Variants in CDKL3 observed in about 807,000 individuals in gnomAD.
CDKL3 encodes cyclin-dependent kinase-like 3.
A neutral mutation model predicts 69.3 loss-of-function variants in CDKL3; 65 were observed. The ratio of observed to expected loss-of-function variants is 0.94; its 90% CI spans 0.77 to 1.15. The LOEUF (loss-of-function observed/expected upper bound fraction) is 1.15. Ranked by LOEUF, CDKL3 falls within the 50% of genes most tolerant of loss-of-function variation. The pLI is 0.00. For synonymous variants in CDKL3, 202 were observed against 221.6 expected (o/e 0.91, Z 0.79); for missense variants, 652 against 689.2 (o/e 0.95, Z 0.61).
chr5:134,311,304 G>C (rs1769425689), intron 7 of CDKL3, among the ~76,000 whole-genome samples: 1 of 152,174 alleles, frequency 6.6e-6, no homozygotes, highest in African/African-American at 2.4e-5. Context: ...AGGAGTTTGA[G>C]ACCAGCCTGG....
chr5:134,343,297 T>G (rs530619883), intron 4 of CDKL3, among the ~76,000 whole-genome samples: 1 of 152,150 alleles, frequency 6.6e-6, no homozygotes, highest in Non-Finnish European at 1.5e-5. Flanking sequence ...TAAGCCCTTA[T>G]GAAACCACCT....
At chr5:134,320,477 C>T (rs1290511861) in intron 5 of CDKL3, among the ~76,000 whole-genome samples, 4 of 152,018 alleles carry the variant, frequency 2.6e-5, no homozygotes, top group African/African-American at 9.7e-5. Context: ...ACTCAGCAGG[C>T]TGAGGTGGGA....
chr5:134,364,201 C>T (rs892603697), intron 2 of CDKL3, among the ~76,000 whole-genome samples: 7 of 152,042 alleles, frequency 4.6e-5, no homozygotes, highest in African/African-American at 1.4e-4. Context: ...TTTTCTACCC[C>T]AACCCTAAGG....
rs1397356878 is a variant in CDKL3, at chr5:134,304,359, A to G, written c.1621+46T>C. On this transcript the variant is annotated intron_variant, in intron 11 of 12. Coordinates refer to ENST00000265334, the MANE Select transcript of CDKL3 (RefSeq NM_001113575.2). ...GTAAGTTATATTATGAAAAAATCTT[A>G]TAAATGATATCATCATAATTGTAAA... 8 of 1,416,054 alleles carry G rather than the reference A, an allele frequency of 5.6e-6. No individual in the cohort carries two copies. The East Asian group carries it at 1.9e-4, about 34-fold the overall frequency. 87.7% of individuals were successfully genotyped at this position (1,416,054 alleles called of 1,614,324 possible).
At chr5:134,370,789 TCTCA>T (rs1330246533), upstream of CDKL3, among the ~76,000 whole-genome samples, 4 of 152,210 alleles carry the variant, frequency 2.6e-5, no homozygotes, top group South Asian at 2.1e-4. Context: ...CGTGCGATCC[TCTCA>T]CTCTTCTTGC....
At chr5:134,288,987 C>G (rs1290638904) in intron 8 of CDKL3, among the ~76,000 whole-genome samples, 1 of 150,948 alleles carries the variant, frequency 6.6e-6, no homozygotes, top group African/African-American at 2.4e-5. Context: ...TATAGTGAGG[C>G]CCTGTCTGTA....
chr5:134,312,896 T>C (rs183223969), intron 6 of CDKL3, among the ~76,000 whole-genome samples: 2 of 152,348 alleles, frequency 1.3e-5, no homozygotes, highest in Non-Finnish European at 2.9e-5. Flanking sequence ...CCTTTCTTGG[T>C]ATAGAAACAA....
chr5:134,359,316 C>A (rs187107786), intron 3 of CDKL3, among the ~76,000 whole-genome samples: 334 of 152,226 alleles, frequency 2.2e-3, no homozygotes, highest in African/African-American at 7.4e-3. Flanking sequence ...AACCAACCAA[C>A]CAAACAAAAA....
At chr5:134,287,856 T>G (rs1764937084) in intron 8 of CDKL3, among the ~76,000 whole-genome samples, 1 of 151,890 alleles carries the variant, frequency 6.6e-6, no homozygotes, top group African/African-American at 2.4e-5. Flanking sequence ...CAGTAACTCA[T>G]CTTCTCGACA....
At chr5:134,285,200 T>A (rs326608), downstream of CDKL3, among the ~76,000 whole-genome samples, 2 of 152,062 alleles carry the variant, frequency 1.3e-5, no homozygotes, top group African/African-American at 4.8e-5. Context: ...CTCCACTAGG[T>A]GGTGCCCCAG....
intron 3 of CDKL3, among the ~76,000 whole-genome samples, chr5:134,355,958 A>G (rs187942148): frequency 6.6e-6 from 1 of 152,340 alleles, no homozygotes; most frequent in East Asian, 1.9e-4. Flanking sequence ...TTTATGGAAG[A>G]CAGTTTTTCT....
downstream of CDKL3, among the ~76,000 whole-genome samples, chr5:134,285,051 A>G (rs1296760549): frequency 6.6e-6 from 1 of 152,248 alleles, no homozygotes; most frequent in Non-Finnish European, 1.5e-5. Flanking sequence ...TGGGGAAGTG[A>G]TAAATGTCCA....
chr5:134,342,267 G>A (rs1451882910), intron 4 of CDKL3, among the ~76,000 whole-genome samples: 1 of 152,158 alleles, frequency 6.6e-6, no homozygotes, highest in Non-Finnish European at 1.5e-5. Flanking sequence ...CAAAACAAGT[G>A]CAAAATGTAT....
downstream of CDKL3, among the ~76,000 whole-genome samples, chr5:134,295,525 T>C (rs1765310385): frequency 6.6e-6 from 1 of 152,214 alleles, no homozygotes; most frequent in Non-Finnish European, 1.5e-5. Flanking sequence ...TTGATTTCCC[T>C]AGAGGAGCAA....
At chr5:134,371,544 G>C (rs546331408), upstream of CDKL3, 12 of 1,596,798 alleles carry the variant, frequency 7.5e-6, no homozygotes, top group African/African-American at 1.3e-5. Context: ...GGGGTGGGGG[G>C]GCTGCGCGGG....
chr5:134,317,499 C>T (rs1771459241), intron 6 of CDKL3, among the ~76,000 whole-genome samples: 1 of 152,146 alleles, frequency 6.6e-6, no homozygotes, highest in Non-Finnish European at 1.5e-5. Context: ...TTGCTTATGC[C>T]TGTGATCCCA....
At chr5:134,344,487 A>G (rs1751315455) in intron 4 of CDKL3, among the ~76,000 whole-genome samples, 2 of 152,226 alleles carry the variant, frequency 1.3e-5, no homozygotes, top group Non-Finnish European at 2.9e-5. Flanking sequence ...AAGGATCTGA[A>G]CAGACATTTC....
intron 6 of CDKL3, among the ~76,000 whole-genome samples, chr5:134,315,335 A>T (rs190326809): frequency 3.3e-4 from 50 of 152,166 alleles, no homozygotes; most frequent in Non-Finnish European, 5.6e-4. Flanking sequence ...GTTAAGGATT[A>T]TTTTTTTCTT....
chr5:134,333,584 T>A (rs1776319973), intron 4 of CDKL3, among the ~76,000 whole-genome samples: 1 of 152,254 alleles, frequency 6.6e-6, no homozygotes, highest in South Asian at 2.1e-4. Flanking sequence ...GTGGTTTTTG[T>A]CATTGGTTCT....
Sources: allele counts gnomAD v4.1 joint callset (sites outside exome capture counted in the v4.1 genomes callset), GRCh38; gene constraint gnomAD v4.1.1; transcripts MANE v1.5; gene names NCBI Gene and HGNC (gene_info 2026-07-23, HGNC 2026-07-21).